The following NLRC5 variants were observed in gnomAD, a reference collection of about 807,000 sequenced individuals.
NLRC5 encodes the protein NLR family CARD domain containing 5.
Under a neutral mutation model 206.9 loss-of-function variants are expected in NLRC5, and 114 were observed. That is an observed-to-expected ratio of 0.55 (90% CI 0.47 to 0.64). The LOEUF (loss-of-function observed/expected upper bound fraction) is 0.64, where lower values mean the gene tolerates loss of function less well. Ranked by LOEUF, NLRC5 falls within the 30% of genes least tolerant of loss-of-function variation. NLRC5 has a pLI of 0.00. For missense variants in NLRC5, 2,008 were observed against 2,305.5 expected (o/e 0.87, Z 2.64); for synonymous variants, 952 against 962.8 (o/e 0.99, Z 0.21).
intron 34 of NLRC5, among the ~76,000 whole-genome samples, chr16:57,067,064 G>A (rs1264563176): frequency 6.6e-6 from 1 of 152,174 alleles, no homozygotes; most frequent in East Asian, 1.9e-4. Context: ...ATATGGCACA[G>A]TTTGGGAAAT....
chr16:57,063,056 C>T (rs2066703277), intron 32 of NLRC5, among the ~76,000 whole-genome samples: 1 of 150,732 alleles, frequency 6.6e-6, no homozygotes, highest in African/African-American at 2.4e-5. Context: ...GCATAATGTC[C>T]TCTGGTTCAT....
chr16:57,052,244 G>A (rs972030439), intron 24 of NLRC5, among the ~76,000 whole-genome samples: 17 of 152,152 alleles, frequency 1.1e-4, no homozygotes, highest in Admixed American at 5.2e-4. Flanking sequence ...AGGCCGAGGC[G>A]GGCAGATCAC....
intron 1 of NLRC5, among the ~76,000 whole-genome samples, chr16:56,995,096 C>A (rs1209132374): frequency 6.6e-6 from 1 of 152,140 alleles, no homozygotes; most frequent in Non-Finnish European, 1.5e-5. Flanking sequence ...ATCGCTTGAA[C>A]CTGAGAGGTG....
chr16:57,061,926 GAAAA>G, intron 32 of NLRC5: 1 of 1,510,952 alleles, frequency 6.6e-7, no homozygotes, highest in Non-Finnish European at 8.8e-7. Context: ...TGGGATTTAA[GAAAA>G]AAAGAAAGAA....
intron 11 of NLRC5, 37 bp from the exon 12 acceptor site, chr16:57,033,567 C>T: frequency 6.2e-7 from 1 of 1,610,028 alleles, no homozygotes; most frequent in African/African-American, 1.3e-5. Context: ...GCCCTAGATG[C>T]CTGAGCCCAG....
chr16:57,032,608 A>G (rs2062005935), intron 11 of NLRC5, among the ~76,000 whole-genome samples: 1 of 151,978 alleles, frequency 6.6e-6, no homozygotes, highest in Non-Finnish European at 1.5e-5. Context: ...CATTAGTCAC[A>G]TTAGCTATAT....
At position 57,026,905 on chromosome 16, in the gene NLRC5, G is replaced by C; in HGVS notation, c.1962G>C (p.Leu654=). ...TGACCTGCACCGACCTGGCCACCCT[G>C]ACCAACATCCTAGAGCACAGGGAGG... ...FPLTCTDLAT[L]TNILEHREAP... is the part of the protein sequence containing the mutation. The change falls in exon 6 of 49, where the codon CTG becomes CTC. Residue 654 remains leucine (L), a synonymous_variant. Transcript: ENST00000688547. 1 of 1,614,178 alleles carries C rather than the reference G, an allele frequency of 6.2e-7. No individual in the cohort carries two copies. The highest frequency in any genetic ancestry group is 8.5e-7 in the Non-Finnish European group (1 of 1,180,040).
intron 13 of NLRC5, 56 bp from the exon 14 acceptor site, chr16:57,036,044 G>C: frequency 6.7e-7 from 1 of 1,501,768 alleles, no homozygotes; most frequent in Non-Finnish European, 9.3e-7. Context: ...GTAAGTGATG[G>C]GGATTGAGGG....
At chr16:56,992,457 A>T (rs1480632107) in intron 1 of NLRC5, 5 of 150,828 alleles carry the variant, frequency 3.3e-5, no homozygotes, top group African/African-American at 1.2e-4. Context: ...TTTTTATTTT[A>T]TTTATTTATT....
chr16:57,024,826 G>A (rs1234158658), intron 5 of NLRC5, among the ~76,000 whole-genome samples: 20 of 152,290 alleles, frequency 1.3e-4, no homozygotes, highest in East Asian at 3.9e-4. Context: ...CCTGGCCAAC[G>A]TGACAAAACC....
intron 1 of NLRC5, chr16:57,014,046 T>TGA (rs2059771933): frequency 3.4e-6 from 1 of 289,962 alleles, no homozygotes; most frequent in Non-Finnish European, 6.7e-6. Flanking sequence ...AAGCCTTCTT[T>TGA]AGCAGTCTCT....
At chr16:57,028,278 C>T (rs905408622) in intron 7 of NLRC5, 24 bp from the exon 8 acceptor site, 3 of 1,609,448 alleles carry the variant, frequency 1.9e-6, no homozygotes, top group Non-Finnish European at 2.6e-6. Context: ...TCGTTCCTCC[C>T]CACCATCTTT....
chr16:57,058,346 C>T, intron 28 of NLRC5, 198 bp downstream of exon 28: 2 of 575,004 alleles, frequency 3.5e-6, no homozygotes, highest in Non-Finnish European at 6.2e-6. Flanking sequence ...CCACCATGGG[C>T]AGATCCTCCA....
chr16:57,009,286 G>T (rs1452928287), intron 1 of NLRC5, among the ~76,000 whole-genome samples: 1 of 140,308 alleles, frequency 7.1e-6, no homozygotes, highest in South Asian at 2.3e-4. Context: ...GTGAGATTCC[G>T]TCTCAAAAAA....
At chr16:57,037,358 C>T in intron 15 of NLRC5, 74 bp downstream of exon 15, 2 of 1,385,392 alleles carry the variant, frequency 1.4e-6, no homozygotes, top group Non-Finnish European at 2.0e-6. Flanking sequence ...GGAATTCCTT[C>T]TGGGCCCAGG....
chr16:57,059,038 A>G lies in NLRC5; in HGVS notation c.3897A>G (p.Pro1299=). 1 of 1,614,044 alleles carries G rather than the reference A, an allele frequency of 6.2e-7. No homozygotes were observed. Among genetic ancestry groups the G allele is most frequent in the Non-Finnish European group, 8.5e-7 (1 of 1,180,008 alleles). The change falls in exon 29 of 49, where the codon CCA becomes CCG. Residue 1299 remains proline (P), a synonymous_variant. Coordinates refer to ENST00000688547, the MANE Select transcript of NLRC5 (RefSeq NM_001384950.1). ...LYLLETLPSC[P]RVREASVNLG... ...TGCTGGAGACACTGCCCTCCTGCCC[A>G]CGTGTCCGGGAGGCCTCAGTGAAGT...
Position 56,990,259 on chromosome 16 carries a change from G to A in NLRC5, c.-128+642G>A, listed in dbSNP as rs534852467. On this transcript the variant is annotated intron_variant, in intron 1 of 48. Coordinates refer to ENST00000688547, the MANE Select transcript of NLRC5 (RefSeq NM_001384950.1). ...ACCGCTGGTTATTTTGAAACAAATG[G>A]CAGACAGCATAGCATCTCAACTGAG... Among the ~76,000 whole-genome samples, 3 of 152,192 alleles carry A rather than the reference G, an allele frequency of 2.0e-5. No individual in the cohort carries two copies. In the East Asian group the frequency reaches 5.8e-4, roughly 29 times the overall value.
At chr16:57,010,944 T>G (rs1417312967) in intron 1 of NLRC5, among the ~76,000 whole-genome samples, 1 of 152,020 alleles carries the variant, frequency 6.6e-6, no homozygotes, top group Non-Finnish European at 1.5e-5. Context: ...GTTTGAATGG[T>G]TCAAAGGGTC....
chr16:57,019,636 T>A (rs1025970894), intron 2 of NLRC5, among the ~76,000 whole-genome samples: 1 of 152,128 alleles, frequency 6.6e-6, no homozygotes, highest in African/African-American at 2.4e-5. Flanking sequence ...CATGATTCAA[T>A]ATGGCTGCCC....
Sources: allele counts gnomAD v4.1 joint callset (sites outside exome capture counted in the v4.1 genomes callset), GRCh38; gene constraint gnomAD v4.1.1; transcripts MANE v1.5; gene names NCBI Gene and HGNC (gene_info 2026-07-23, HGNC 2026-07-21).